The following MERTK variants were observed in gnomAD, a reference collection of about 807,000 sequenced individuals.
The protein encoded by MERTK is MER proto-oncogene, tyrosine kinase, also known as tyrosine-protein kinase Mer.
A neutral mutation model predicts 99.3 loss-of-function variants in MERTK; 69 were observed. The ratio of observed to expected loss-of-function variants is 0.70; its 90% confidence interval spans 0.57 to 0.85. MERTK has a LOEUF of 0.85. Among genes scored for constraint, MERTK ranks in the 40% least tolerant of loss-of-function variants. MERTK has a pLI of 0.00. For synonymous variants in MERTK, 426 were observed against 467.6 expected, an observed-to-expected ratio of 0.91 and a Z score of 1.15; for missense variants, 1,125 against 1,249.4, an observed-to-expected ratio of 0.90 and a Z score of 1.50.
At position 111,921,265 on chromosome 2, in the gene MERTK, G is replaced by A. The variant is rs187965685; in HGVS notation, c.62-7855G>A. On this transcript the variant is annotated intron_variant, in intron 1 of 18. Transcript: ENST00000295408. Reference sequence around the variant, plus strand: ...AGCCTTTCTCTGAACTTTGGGAGGTGAAGGCGGGCAGATCACCTGAGGTTA... The same window carrying A: ...AGCCTTTCTCTGAACTTTGGGAGGTAAAGGCGGGCAGATCACCTGAGGTTA... Among the ~76,000 whole-genome samples the A allele has an allele frequency of 8.6e-4, 131 of 152,170 alleles. 2 individuals are homozygous for A. The Middle Eastern group carries it at 0.017, about 20-fold the overall frequency.
intron 18 of MERTK, among the ~76,000 whole-genome samples, chr2:112,024,104 A>G (rs1677415796): frequency 1.3e-5 from 2 of 152,230 alleles, no homozygotes; most frequent in Non-Finnish European, 2.9e-5. Context: ...CCTTTAAAAC[A>G]TCCTGAAATG....
intron 2 of MERTK, among the ~76,000 whole-genome samples, chr2:111,942,837 C>A (rs1684889889): frequency 6.6e-6 from 1 of 152,220 alleles, no homozygotes; most frequent in Non-Finnish European, 1.5e-5. Flanking sequence ...GTAATGTTAA[C>A]CTGAGTAGCT....
rs549746532 is a variant in MERTK at position 111,898,622 on chromosome 2, C to T, written c.-114C>T. ...TGGCTCCGCCACTCGGCACTCACTG[C>T]CCGGGCCGCCCGGACAGGGAGCTTC... On this transcript the variant is annotated 5_prime_UTR_variant, in exon 1 of 19. Transcript: ENST00000295408. 2.6e-4 allele frequency: 336 copies of T among 1,306,442 alleles called. 2 individuals carry two copies. The African/African-American group carries it at 4.7e-3, about 18-fold the overall frequency. The allele number at this position is 1,306,442 out of a possible 1,614,324, so 80.9% of individuals were successfully genotyped here.
At chr2:112,003,836 A>G in intron 12 of MERTK, 68 bp from the exon 13 acceptor site, 1 of 1,356,906 alleles carries the variant, frequency 7.4e-7, no homozygotes, top group Non-Finnish European at 1.1e-6. Context: ...CAGCTCTGGC[A>G]CTGTAGCATT....
chr2:112,028,297 C>T, intron 18 of MERTK, 54 bp from the exon 19 acceptor site: 1 of 1,548,900 alleles, frequency 6.5e-7, no homozygotes, highest in East Asian at 2.2e-5. Flanking sequence ...GCATGGATTG[C>T]ACAAAGAGAT....
Position 112,029,033 on chromosome 2 carries a change from A to G in MERTK, c.*169A>G. ...AGCTGTCATTAAAAATACATAATATATATTTATTTAAAGAGAAAAAATATG... is the reference window on the plus strand; with the variant it reads ...AGCTGTCATTAAAAATACATAATATGTATTTATTTAAAGAGAAAAAATATG... On this transcript the variant is annotated 3_prime_UTR_variant, in exon 19 of 19. Transcript: ENST00000295408. The G allele has an allele frequency of 7.1e-7, 1 of 1,401,420 alleles. No homozygotes were observed. 86.8% of individuals were successfully genotyped at this position (1,401,420 alleles called of 1,614,324 possible).
intron 7 of MERTK, among the ~76,000 whole-genome samples, chr2:111,976,513 G>A (rs1020754827): frequency 2.1e-5 from 3 of 144,754 alleles, no homozygotes; most frequent in African/African-American, 7.9e-5. Flanking sequence ...CAGAAATCAT[G>A]ACAAAAACCT....
Position 111,997,441 on chromosome 2 carries a change from G to C in MERTK, c.1569G>C (p.Leu523Phe). ...ILIGLILYIS[L>F]AIRKRVQETK... ...TTGGGTTGATTTTATACATCTCCTT[G>C]GCCATCAGAAAAAGAGTCCAGGAGA... is the stretch of plus-strand genomic sequence containing the variant. Residue 523 changes from leucine to phenylalanine, a missense_variant, in exon 10 of 19, where the codon TTG becomes TTC. Coordinates refer to ENST00000295408, the MANE Select transcript of MERTK (RefSeq NM_006343.3). 6.2e-7 allele frequency: 1 copy of C among 1,613,922 alleles called. No individual in the cohort carries two copies.
At chr2:111,913,026 G>GTC in intron 1 of MERTK, 1 of 985,278 alleles carries the variant, frequency 1.0e-6, no homozygotes, top group Non-Finnish European at 1.2e-6. Context: ...AGAGAAGACT[G>GTC]TCTAGGTAAA....
intron 15 of MERTK, among the ~76,000 whole-genome samples, chr2:112,014,170 C>T (rs192366418): frequency 4.6e-5 from 7 of 152,056 alleles, no homozygotes; most frequent in South Asian, 2.1e-4. Context: ...TAAAGGTGCC[C>T]GCCACCACAC....
chr2:112,005,676 A>C (rs932250898), intron 13 of MERTK, among the ~76,000 whole-genome samples: 1 of 152,122 alleles, frequency 6.6e-6, no homozygotes, highest in East Asian at 1.9e-4. Context: ...TGAATCATGG[A>C]TGGAGATTAT....
chr2:111,995,893 G>A (rs1225397681), intron 9 of MERTK, among the ~76,000 whole-genome samples: 3 of 152,130 alleles, frequency 2.0e-5, no homozygotes, highest in African/African-American at 7.2e-5. Context: ...GTTGCAGTGA[G>A]CCAAGATCAC....
chr2:111,969,869 T>C (rs1456275493), intron 6 of MERTK, among the ~76,000 whole-genome samples: 2 of 151,728 alleles, frequency 1.3e-5, no homozygotes, highest in Non-Finnish European at 2.9e-5. Context: ...TTTTTTGTAT[T>C]TTTAGTAGAG....
At chr2:112,017,211 A>G (rs983126445) in intron 15 of MERTK, among the ~76,000 whole-genome samples, 1 of 152,180 alleles carries the variant, frequency 6.6e-6, no homozygotes, top group Non-Finnish European at 1.5e-5. Flanking sequence ...CCCTCTAGCT[A>G]GACACAGAGT....
In MERTK at chr2:111,982,939, T is replaced by A; in HGVS notation, c.1242T>A (p.Asp414Glu). Residue 414 changes from aspartate to glutamate, a missense_variant, in exon 8 of 19, where the codon GAT (aspartate) becomes GAA (glutamate). By Grantham distance (45) the Asp-to-Glu change is conservative. Coordinates refer to ENST00000295408, the MANE Select transcript of MERTK (RefSeq NM_006343.3). ...TGAAGCCTCCGACTAAGCAGCAGGA[T>A]GGAGAACTGGTGGGCTACCGGATAT... The part of the protein sequence containing the change: ...RWMKPPTKQQ[D>E]GELVGYRISH... 6.2e-7 allele frequency: 1 copy of A among 1,614,152 alleles called. No homozygotes were observed. Among genetic ancestry groups the A allele is most frequent in the African/African-American group, 1.3e-5 (1 of 75,032 alleles).
chr2:111,923,371 T>G (rs1684500805), intron 1 of MERTK, among the ~76,000 whole-genome samples: 3 of 152,146 alleles, frequency 2.0e-5, no homozygotes, highest in Admixed American at 2.0e-4. Context: ...AGGGCTCTGG[T>G]CAAGGGCTGC....
chr2:111,917,465 G>T (rs1684372191), intron 1 of MERTK, among the ~76,000 whole-genome samples: 1 of 152,116 alleles, frequency 6.6e-6, no homozygotes, highest in Non-Finnish European at 1.5e-5. Context: ...CCCTTTCCTT[G>T]TCTTTAGCTC....
intron 15 of MERTK, among the ~76,000 whole-genome samples, chr2:112,012,811 G>A (rs965305789): frequency 6.6e-6 from 1 of 152,166 alleles, no homozygotes; most frequent in African/African-American, 2.4e-5. Flanking sequence ...CCTTCATGGG[G>A]GAAGTCGGCT....
chr2:111,913,630 G>A (rs1185794490), intron 1 of MERTK, among the ~76,000 whole-genome samples: 11 of 152,044 alleles, frequency 7.2e-5, no homozygotes, highest in Admixed American at 5.2e-4. Flanking sequence ...TGCAACCTCC[G>A]CCTCCAGGGC....
Sources: gnomAD v4.1 joint callset for allele counts (sites outside exome capture counted in the v4.1 genomes callset) on GRCh38, gnomAD v4.1.1 for gene constraint, MANE v1.5 for transcripts, NCBI Gene and HGNC (gene_info 2026-07-23, HGNC 2026-07-21) for gene names.